The following SNTB2 variants were observed in gnomAD, a reference collection of about 807,000 sequenced individuals.
SNTB2 encodes the protein syntrophin beta 2.
In SNTB2, 34 loss-of-function variants were observed where a neutral mutation model predicts 46.2. The ratio of observed to expected loss-of-function variants is 0.74; its 90% CI spans 0.56 to 0.98. The LOEUF is 0.98. SNTB2 is among the 50% of genes least tolerant of loss of function. The pLI is 0.00. For missense variants in SNTB2, 603 were observed against 731.4 expected (o/e 0.82, Z 2.02); for synonymous variants, 290 against 312.6 (o/e 0.93, Z 0.76).
intron 1 of SNTB2, among the ~76,000 whole-genome samples, chr16:69,215,723 G>A (rs1964340148): frequency 6.6e-6 from 1 of 152,102 alleles, no homozygotes; most frequent in Admixed American, 6.6e-5. Context: ...TTAGAGTCCT[G>A]GCTTGCTTTA....
chr16:69,252,039 G>C (rs1475719982), intron 2 of SNTB2, among the ~76,000 whole-genome samples: 1 of 152,172 alleles, frequency 6.6e-6, no homozygotes, highest in South Asian at 2.1e-4. Flanking sequence ...TCACCAAAAG[G>C]TGTCAGTCTT....
At chr16:69,293,790 G>C (rs1218214698) in intron 5 of SNTB2, among the ~76,000 whole-genome samples, 1 of 152,198 alleles carries the variant, frequency 6.6e-6, no homozygotes, top group Non-Finnish European at 1.5e-5. Flanking sequence ...GGTGGAGGTA[G>C]ATGCAATCCA....
At chr16:69,251,494 C>T (rs1389145898) in intron 2 of SNTB2, among the ~76,000 whole-genome samples, 1 of 106,716 alleles carries the variant, frequency 9.4e-6, no homozygotes, top group East Asian at 3.0e-4. Flanking sequence ...AAAAAAAAAA[C>T]TAGGCCAGGC....
At chr16:69,209,868 A>G (rs7186153) in intron 1 of SNTB2, among the ~76,000 whole-genome samples, 3,811 of 152,220 alleles carry the variant, frequency 0.025, 161 homozygotes, top group African/African-American at 0.086. Flanking sequence ...TAAACTATAT[A>G]GATCTTGTAG....
At chr16:69,195,841 G>A (rs976560925) in intron 1 of SNTB2, among the ~76,000 whole-genome samples, 4 of 152,124 alleles carry the variant, frequency 2.6e-5, no homozygotes, top group Admixed American at 2.0e-4. Context: ...CCTGTGTCAC[G>A]TGCCCATCCC....
At chr16:69,258,802 A>G (rs982373784) in intron 2 of SNTB2, among the ~76,000 whole-genome samples, 1 of 151,722 alleles carries the variant, frequency 6.6e-6, no homozygotes, top group Admixed American at 6.6e-5. Context: ...TAGTAGAGAC[A>G]GGGTTTAGCC....
At chr16:69,259,635 G>T (rs1203649960) in intron 2 of SNTB2, among the ~76,000 whole-genome samples, 10 of 133,072 alleles carry the variant, frequency 7.5e-5, no homozygotes, top group Non-Finnish European at 1.4e-4. Flanking sequence ...ACGGAATCTC[G>T]CTCTGTCGCC....
chr16:69,233,488 A>G (rs1052247744), intron 1 of SNTB2, among the ~76,000 whole-genome samples: 3 of 152,150 alleles, frequency 2.0e-5, no homozygotes, highest in African/African-American at 7.2e-5. Flanking sequence ...AGCAAGGGTT[A>G]TTTTAAGTGG....
intron 2 of SNTB2, among the ~76,000 whole-genome samples, chr16:69,246,544 C>A (rs1483001372): frequency 6.9e-6 from 1 of 145,652 alleles, no homozygotes; most frequent in Admixed American, 7.0e-5. Context: ...TGTCTCTGCC[C>A]GGCTTTGGTA....
chr16:69,223,295 C>T (rs1014895010), intron 1 of SNTB2, among the ~76,000 whole-genome samples: 12 of 150,958 alleles, frequency 7.9e-5, no homozygotes, highest in African/African-American at 2.4e-4. Flanking sequence ...TGGGTTCAAG[C>T]GATTCTCCTG....
At chr16:69,253,161 A>G (rs1460456003) in intron 2 of SNTB2, among the ~76,000 whole-genome samples, 3 of 150,986 alleles carry the variant, frequency 2.0e-5, no homozygotes, top group Non-Finnish European at 4.4e-5. Flanking sequence ...GGCCTCCCAA[A>G]GTGCTGGGAT....
At chr16:69,244,612 T>C (rs1447599178) in intron 1 of SNTB2, among the ~76,000 whole-genome samples, 1 of 152,194 alleles carries the variant, frequency 6.6e-6, no homozygotes, top group East Asian at 1.9e-4. Context: ...TTTTATGAGT[T>C]TTAAATTTGA....
intron 4 of SNTB2, among the ~76,000 whole-genome samples, chr16:69,279,427 A>G (rs778053955): frequency 6.6e-6 from 1 of 151,150 alleles, no homozygotes; most frequent in Non-Finnish European, 1.5e-5. Context: ...TGTTGTGGTT[A>G]ATGCTGTAGT....
chr16:69,284,459 T>TGG (rs1567414678), intron 5 of SNTB2, among the ~76,000 whole-genome samples: 1 of 45,866 alleles, frequency 2.2e-5, no homozygotes. Context: ...CCGTCTTTAC[T>TGG]AAAAAAAAAA....
chr16:69,278,889 A>AGTGTGTGTGTGTGTGTGT (rs71148981), intron 4 of SNTB2, among the ~76,000 whole-genome samples: 68 of 141,004 alleles, frequency 4.8e-4, no homozygotes, highest in African/African-American at 1.7e-3. Context: ...AGGTGGGAAG[A>AGTGTGTGTGTGTGTGTGT]GTGTGTGTGT....
At chr16:69,295,919 C>T (rs1489949833) in intron 5 of SNTB2, among the ~76,000 whole-genome samples, 3 of 152,092 alleles carry the variant, frequency 2.0e-5, no homozygotes, top group Non-Finnish European at 2.9e-5. Context: ...TTAATTGGTT[C>T]GATTTGGCAC....
At chr16:69,195,443 A>ATTTTT (rs71383971) in intron 1 of SNTB2, among the ~76,000 whole-genome samples, 1 of 139,056 alleles carries the variant, frequency 7.2e-6, no homozygotes. Context: ...CCTGGTTTGC[A>ATTTTT]TTTTTTTTTT....
At chr16:69,300,479 T>G (rs1279171349) in intron 6 of SNTB2, among the ~76,000 whole-genome samples, 2 of 152,100 alleles carry the variant, frequency 1.3e-5, no homozygotes, top group Non-Finnish European at 2.9e-5. Context: ...CCCAATCTCC[T>G]GACCTCATGA....
intron 1 of SNTB2, among the ~76,000 whole-genome samples, chr16:69,206,771 C>T (rs988255602): frequency 4.6e-5 from 7 of 150,766 alleles, no homozygotes; most frequent in Non-Finnish European, 7.4e-5. Flanking sequence ...TTTTTATATA[C>T]TTATTTTTTT....
Sources: gnomAD v4.1 joint callset for allele counts (sites outside exome capture counted in the v4.1 genomes callset) on GRCh38, gnomAD v4.1.1 for gene constraint, MANE v1.5 for transcripts, NCBI Gene and HGNC (gene_info 2026-07-23, HGNC 2026-07-21) for gene names.